Variants in HSD11B1 observed in about 807,000 individuals in gnomAD.
HSD11B1 encodes hydroxysteroid 11-beta dehydrogenase 1.
In HSD11B1, 15 loss-of-function variants were observed where a neutral mutation model predicts 22.1. The ratio of observed to expected loss-of-function variants is 0.68; its 90% CI spans 0.45 to 1.04. The LOEUF (loss-of-function observed/expected upper bound fraction) is 1.04, where lower values mean the gene tolerates loss of function less well. HSD11B1 is among the 50% of genes least tolerant of loss of function. HSD11B1 has a pLI of 0.00. For synonymous variants in HSD11B1, 122 were observed against 125.2 expected (o/e 0.97, Z 0.17); for missense variants, 281 against 357.6 (o/e 0.79, Z 1.73).
intron 1 of HSD11B1, 106 bp from the exon 2 acceptor site, chr1:209,705,705 A>G: frequency 7.2e-7 from 1 of 1,398,100 alleles, no homozygotes; most frequent in Non-Finnish European, 1.0e-6. Context: ...CTGGGCTCAT[A>G]ACCTTTAAGT....
chr1:209,710,704 C>A (rs2076889654), intron 4 of HSD11B1, among the ~76,000 whole-genome samples: 1 of 151,968 alleles, frequency 6.6e-6, no homozygotes. Context: ...TGAAGTGAAA[C>A]TGGACATCAC....
At chr1:209,688,920 A>G (rs1343116057) in intron 1 of HSD11B1, among the ~76,000 whole-genome samples, 1 of 152,252 alleles carries the variant, frequency 6.6e-6, no homozygotes, top group Non-Finnish European at 1.5e-5. Flanking sequence ...GTGACTTAGC[A>G]AACCCAAGAC....
intron 4 of HSD11B1, among the ~76,000 whole-genome samples, chr1:209,712,342 C>A (rs1257384674): frequency 5.4e-5 from 8 of 148,998 alleles, no homozygotes; most frequent in East Asian, 3.9e-4. Context: ...AAATGTGGAT[C>A]AAAAAAAAAT....
intron 1 of HSD11B1, among the ~76,000 whole-genome samples, chr1:209,698,704 C>T (rs568715650): frequency 2.0e-5 from 3 of 152,338 alleles, no homozygotes; most frequent in Non-Finnish European, 2.9e-5. Context: ...ACAACTACAA[C>T]ATGCTTAGAA....
intron 4 of HSD11B1, among the ~76,000 whole-genome samples, chr1:209,725,760 T>G (rs1160886817): frequency 6.6e-6 from 1 of 152,172 alleles, no homozygotes; most frequent in East Asian, 1.9e-4. Context: ...AGCACAGTCC[T>G]CTACTCCATA....
intron 4 of HSD11B1, among the ~76,000 whole-genome samples, chr1:209,718,399 G>C (rs1305255398): frequency 6.6e-6 from 1 of 152,010 alleles, no homozygotes; most frequent in Non-Finnish European, 1.5e-5. Flanking sequence ...AAAATTTAAT[G>C]GGCAAAGGAC....
At chr1:209,699,043 G>C (rs1250735333) in intron 1 of HSD11B1, among the ~76,000 whole-genome samples, 8 of 152,184 alleles carry the variant, frequency 5.3e-5, no homozygotes, top group Non-Finnish European at 1.2e-4. Context: ...CATTGAGATT[G>C]ACATGAAGGA....
upstream of HSD11B1, among the ~76,000 whole-genome samples, chr1:209,703,437 A>C (rs1032638831): frequency 6.6e-6 from 1 of 152,160 alleles, no homozygotes; most frequent in African/African-American, 2.4e-5. Context: ...AAAGGCATGT[A>C]ATCTAATTTT....
intron 5 of HSD11B1, 37 bp downstream of exon 5, chr1:209,732,616 T>C (rs753112713): frequency 1.3e-6 from 2 of 1,555,452 alleles, no homozygotes; most frequent in Non-Finnish European, 8.9e-7. Context: ...TTAATTATTA[T>C]ACTTTAAGTT....
In HSD11B1 at chr1:209,707,091, G is replaced by C; in HGVS notation, c.480G>C (p.Gln160His). ...TAGCTGCCTTGCCCATGCTGAAGCAGAGCAATGGAAGCATTGTTGTCGTCT... is the reference window on the plus strand; with the variant it reads ...TAGCTGCCTTGCCCATGCTGAAGCACAGCAATGGAAGCATTGTTGTCGTCT... ...LTVAALPMLK[Q>H]SNGSIVVVSS... is the part of the protein sequence containing the mutation. The change falls in exon 4 of 6, where the codon CAG becomes CAC. Residue 160 changes from glutamine to histidine, a missense_variant. Coordinates refer to ENST00000367027, the MANE Select transcript of HSD11B1 (RefSeq NM_005525.4). 6.2e-7 allele frequency: 1 copy of C among 1,614,054 alleles called. No homozygotes were observed. Among genetic ancestry groups the C allele is most frequent in the Non-Finnish European group, 8.5e-7 (1 of 1,179,994 alleles).
chr1:209,717,203 A>C (rs138503466), intron 4 of HSD11B1, among the ~76,000 whole-genome samples: 22 of 152,332 alleles, frequency 1.4e-4, no homozygotes, highest in Admixed American at 5.9e-4. Flanking sequence ...ATAACTCAAT[A>C]GGAAAAAAAA....
chr1:209,707,061 G>A lies in HSD11B1; in HGVS notation c.450G>A (p.Leu150=). ...TCAACTTCCTCAGTTACGTGGTCCT[G>A]ACTGTAGCTGCCTTGCCCATGCTGA... ...MEVNFLSYVV[L]TVAALPMLKQ... is the part of the protein sequence containing the mutation. The change falls in exon 4 of 6, where the codon CTG becomes CTA. Residue 150 remains leucine, a synonymous_variant. Coordinates refer to ENST00000367027, the MANE Select transcript of HSD11B1 (RefSeq NM_005525.4). 2 of 1,614,074 alleles carry A rather than the reference G, an allele frequency of 1.2e-6. No individual in the cohort carries two copies. Among genetic ancestry groups the A allele is most frequent in the South Asian group, 1.1e-5 (1 of 91,082 alleles).
intron 4 of HSD11B1, among the ~76,000 whole-genome samples, chr1:209,715,669 A>C (rs1259850151): frequency 6.6e-6 from 1 of 152,260 alleles, no homozygotes; most frequent in Non-Finnish European, 1.5e-5. Flanking sequence ...AACAATAGGA[A>C]ATAAGTCCAT....
chr1:209,712,017 C>T (rs2076900813), intron 4 of HSD11B1, among the ~76,000 whole-genome samples: 1 of 152,194 alleles, frequency 6.6e-6, no homozygotes, highest in Non-Finnish European at 1.5e-5. Flanking sequence ...TGCTAGACCA[C>T]AGGTTTCATT....
At chr1:209,722,153 T>C (rs919850136) in intron 4 of HSD11B1, among the ~76,000 whole-genome samples, 14 of 152,218 alleles carry the variant, frequency 9.2e-5, no homozygotes, top group Admixed American at 5.2e-4. Flanking sequence ...CCTTAGAAGA[T>C]GTGCTGATAC....
intron 1 of HSD11B1, among the ~76,000 whole-genome samples, chr1:209,697,277 T>C (rs2076796733): frequency 1.3e-5 from 2 of 152,328 alleles, no homozygotes; most frequent in South Asian, 4.1e-4. Flanking sequence ...GCAAAGAATG[T>C]TCTACAAACT....
chr1:209,692,400 G>A (rs1229379688), intron 1 of HSD11B1, among the ~76,000 whole-genome samples: 1 of 152,128 alleles, frequency 6.6e-6, no homozygotes, highest in African/African-American at 2.4e-5. Flanking sequence ...CATGGGAAGT[G>A]AGTGATAATT....
At chr1:209,690,994 C>T (rs2076756428) in intron 1 of HSD11B1, among the ~76,000 whole-genome samples, 1 of 152,006 alleles carries the variant, frequency 6.6e-6, no homozygotes, top group Non-Finnish European at 1.5e-5. Flanking sequence ...CAATGAACCA[C>T]AAAAACAAAA....
At chr1:209,729,393 CAA>C (rs1553292144) in intron 4 of HSD11B1, among the ~76,000 whole-genome samples, 2 of 151,292 alleles carry the variant, frequency 1.3e-5, no homozygotes, top group African/African-American at 4.9e-5. Flanking sequence ...CACACACACA[CAA>C]GTAAGTTAAA....
Sources: allele counts gnomAD v4.1 joint callset (sites outside exome capture counted in the v4.1 genomes callset), GRCh38; gene constraint gnomAD v4.1.1; transcripts MANE v1.5; gene names NCBI Gene and HGNC (gene_info 2026-07-23, HGNC 2026-07-21).